The following NLRP5 variants were observed in gnomAD, a reference collection of about 807,000 sequenced individuals.
NLRP5 encodes the protein NLR family pyrin domain containing 5, also known as NACHT, LRR and PYD domains-containing protein 5.
In NLRP5, 93 loss-of-function variants were observed where a neutral mutation model predicts 113.1. That is an observed-to-expected ratio of 0.82 (90% CI 0.70 to 0.98). The LOEUF is 0.98. Ranked by LOEUF, NLRP5 falls within the 50% of genes least tolerant of loss-of-function variation. The pLI is 0.00. For synonymous variants in NLRP5, 751 were observed against 600.7 expected, an observed-to-expected ratio of 1.25 and a Z score of -3.66; for missense variants, 1,808 against 1,514.3, an observed-to-expected ratio of 1.19 and a Z score of -3.22.
chr19:56,031,226 C>T (rs1465190136), intron 7 of NLRP5, among the ~76,000 whole-genome samples: 1 of 152,114 alleles, frequency 6.6e-6, no homozygotes, highest in Non-Finnish European at 1.5e-5. Flanking sequence ...ACTTTTTCAT[C>T]TCACATCACT....
intron 13 of NLRP5, among the ~76,000 whole-genome samples, chr19:56,055,905 C>A (rs1984133700): frequency 6.6e-6 from 1 of 152,096 alleles, no homozygotes; most frequent in African/African-American, 2.4e-5. Context: ...GTGTGTCCAC[C>A]TACAAACACT....
intron 2 of NLRP5, among the ~76,000 whole-genome samples, chr19:56,008,267 C>G (rs893802338): frequency 6.6e-6 from 1 of 151,920 alleles, no homozygotes; most frequent in African/African-American, 2.4e-5. Flanking sequence ...AGAGAGAGAA[C>G]GCAGTGTCAT....
At chr19:56,015,845 T>G in intron 4 of NLRP5, 47 bp downstream of exon 4, 1 of 1,456,132 alleles carries the variant, frequency 6.9e-7, no homozygotes, top group Non-Finnish European at 9.3e-7. Flanking sequence ...GGAAGAAAGT[T>G]GGGTGAGAGA....
intron 11 of NLRP5, among the ~76,000 whole-genome samples, chr19:56,046,182 G>T (rs1021572692): frequency 1.3e-5 from 2 of 152,078 alleles, no homozygotes; most frequent in Non-Finnish European, 2.9e-5. Context: ...GGATTTTGTC[G>T]AATGCTTTTC....
In NLRP5 at chr19:56,049,166, ATATTTATT is replaced by A. The variant is rs3974178; in HGVS notation, c.2958-1229_2958-1222del. 7.7e-4 allele frequency among the ~76,000 whole-genome samples: 108 copies of A among 139,486 alleles called. 1 individual carries two copies. The highest frequency in any genetic ancestry group is 2.6e-3 in the African/African-American group (98 of 37,826). The allele number at this position is 139,486 out of a possible 152,430, so 91.5% of individuals were successfully genotyped here. ...CCAGCTAACTTATTTTTTATTTTTT[ATATTTATT>A]TATTTATTTATTTATTTATTTAGAG... is the stretch of plus-strand genomic sequence containing the variant. On this transcript the variant is annotated intron_variant, in intron 11 of 14. Coordinates refer to ENST00000390649, the MANE Select transcript of NLRP5 (RefSeq NM_153447.4).
At chr19:56,010,283 A>G (rs1982130883) in intron 3 of NLRP5, among the ~76,000 whole-genome samples, 1 of 152,158 alleles carries the variant, frequency 6.6e-6, no homozygotes, top group African/African-American at 2.4e-5. Context: ...AAAGTCTCAC[A>G]TGGTTAAATT....
chr19:56,037,218 T>C (rs1983349695), intron 9 of NLRP5, among the ~76,000 whole-genome samples: 2 of 152,130 alleles, frequency 1.3e-5, no homozygotes, highest in Non-Finnish European at 2.9e-5. Context: ...CTTTCGTAAA[T>C]ACTGCCGGTC....
At chr19:56,050,627 T>C in intron 12 of NLRP5, 39 bp downstream of exon 12, 1 of 1,589,676 alleles carries the variant, frequency 6.3e-7, no homozygotes. Flanking sequence ...TCTATCATAC[T>C]GGGGTCTGGA....
At chr19:55,996,582 T>C (rs55928325), upstream of NLRP5, among the ~76,000 whole-genome samples, 15,704 of 152,004 alleles carry the variant, frequency 0.1, 869 homozygotes, top group Middle Eastern at 0.15. Flanking sequence ...TGAGAACATG[T>C]GGTGTTTGGT....
In NLRP5 at chr19:56,026,962, C is replaced by T. The variant is rs1404827754; in HGVS notation, c.729C>T (p.Phe243=). 6 of 1,551,598 alleles carry T rather than the reference C, an allele frequency of 3.9e-6. No individual in the cohort carries two copies. The highest frequency in any genetic ancestry group is 3.9e-5 in the Admixed American group (2 of 50,978). ...ACAAGAGTCACGTGATGACCAAATT[C>T]GCTGAGGAGGAGGATGTACGTCGTA... Residue 243 remains phenylalanine, a synonymous_variant, in exon 7 of 15, where the codon TTC becomes TTT. Transcript: ENST00000390649.
intron 9 of NLRP5, among the ~76,000 whole-genome samples, chr19:56,034,832 T>TGGTTGGTC (rs947208833): frequency 3.9e-5 from 6 of 152,296 alleles, no homozygotes; most frequent in African/African-American, 1.4e-4. Context: ...GTTGGTTGGT[T>TGGTTGGTC]GGTTGGTCGG....
In NLRP5 at chr19:56,003,730, C is replaced by T. The variant is rs747641573; in HGVS notation, c.77C>T (p.Ser26Phe). 1.1e-5 allele frequency: 18 copies of T among 1,601,452 alleles called. No homozygotes were observed. The South Asian group carries it at 1.2e-4, about 11-fold the overall frequency. The change falls in exon 2 of 15, where the codon TCC (serine) becomes TTC (phenylalanine). Residue 26 changes from serine (S) to phenylalanine (F), a missense_variant. Physicochemically the swap from Ser to Phe is radical, Grantham distance 155. Transcript: ENST00000390649. ...CCTCTTTTAAGTCTTGTCACTCTTT[C>T]CACAGGTCCTACTTGCTCTATATTA...
intron 11 of NLRP5, among the ~76,000 whole-genome samples, chr19:56,047,251 T>C (rs1333728644): frequency 3.9e-5 from 6 of 152,194 alleles, no homozygotes; most frequent in Non-Finnish European, 8.8e-5. Flanking sequence ...TCTGCTCTGA[T>C]CTTGGTTATT....
Position 56,033,530 on chromosome 19 carries a change from T to C in NLRP5, c.2448-12T>C. The C allele has an allele frequency of 6.2e-7, 1 of 1,603,894 alleles. No homozygotes were observed. Among genetic ancestry groups the C allele is most frequent in the Non-Finnish European group, 8.5e-7 (1 of 1,173,826 alleles). On this transcript the variant is annotated splice_polypyrimidine_tract_variant and intron_variant, in intron 8 of 14. Coordinates refer to ENST00000390649, the MANE Select transcript of NLRP5 (RefSeq NM_153447.4). ...CACCAGTGTCGAATGTGTCTCCCCT[T>C]CCCCATTGCAGGTTTAGAAATGCAC... is the stretch of plus-strand genomic sequence containing the variant.
chr19:55,989,174 T>C, the NLRP5 span, among the ~76,000 whole-genome samples: 1 of 152,304 alleles, frequency 6.6e-6, no homozygotes, highest in East Asian at 1.9e-4. Flanking sequence ...ATACCTCAAT[T>C]GTTTTGATGA....
At chr19:56,047,662 G>A (rs1481954369) in intron 11 of NLRP5, among the ~76,000 whole-genome samples, 2 of 152,184 alleles carry the variant, frequency 1.3e-5, no homozygotes, top group African/African-American at 4.8e-5. Flanking sequence ...CTATCTTGGA[G>A]AAGGTTCCAT....
At chr19:56,048,693 C>T (rs1051789389) in intron 11 of NLRP5, among the ~76,000 whole-genome samples, 6 of 152,018 alleles carry the variant, frequency 3.9e-5, no homozygotes, top group Non-Finnish European at 7.4e-5. Context: ...GACAATGTGC[C>T]TAGGTGAAGA....
chr19:56,020,244 T>G (rs943805905), intron 5 of NLRP5, 131 bp from the exon 6 acceptor site: 1 of 1,030,768 alleles, frequency 9.7e-7, no homozygotes, highest in Non-Finnish European at 1.5e-6. Context: ...TGTCTTCTAG[T>G]TGAGCCGGTG....
intron 5 of NLRP5, among the ~76,000 whole-genome samples, chr19:56,020,125 C>G (rs1257280657): frequency 6.6e-6 from 1 of 151,930 alleles, no homozygotes; most frequent in Non-Finnish European, 1.5e-5. Flanking sequence ...AGCCACCACG[C>G]CCGACCTACC....
Sources: gnomAD v4.1 joint callset for allele counts (sites outside exome capture counted in the v4.1 genomes callset) on GRCh38, gnomAD v4.1.1 for gene constraint, MANE v1.5 for transcripts, NCBI Gene and HGNC (gene_info 2026-07-23, HGNC 2026-07-21) for gene names.